SLC35F4: variants seen among roughly 807,000 people sequenced by gnomAD.
SLC35F4 encodes the protein solute carrier family 35 member F4.
In SLC35F4, 24 loss-of-function variants were observed where a neutral mutation model predicts 44.2. The observed-to-expected ratio is 0.54, with a 90% CI of 0.39 to 0.76. The LOEUF (loss-of-function observed/expected upper bound fraction) is 0.76, where lower values mean the gene tolerates loss of function less well. Among genes scored for constraint, SLC35F4 ranks in the 30% least tolerant of loss-of-function variants. The pLI is 0.00. For synonymous variants in SLC35F4, 238 were observed against 223.6 expected (o/e 1.06, Z -0.57); for missense variants, 562 against 586.1 (o/e 0.96, Z 0.42).
intron 1 of SLC35F4, among the ~76,000 whole-genome samples, chr14:57,646,686 C>T (rs2073537963): frequency 6.6e-6 from 1 of 152,098 alleles, no homozygotes; most frequent in African/African-American, 2.4e-5. Context: ...TTTGCTCTTG[C>T]TTCTCTAGTT....
intron 1 of SLC35F4, among the ~76,000 whole-genome samples, chr14:57,926,099 G>C (rs1041704174): frequency 6.6e-6 from 1 of 152,194 alleles, no homozygotes; most frequent in African/African-American, 2.4e-5. Context: ...CTGGCAGAAT[G>C]GTTGACAGTA....
intron 4 of SLC35F4, among the ~76,000 whole-genome samples, chr14:57,573,660 C>T (rs1881161503): frequency 1.3e-5 from 2 of 151,940 alleles, no homozygotes; most frequent in Admixed American, 1.3e-4. Context: ...TATCATTTTC[C>T]TTGATTTGGG....
At chr14:57,845,099 G>T (rs1261636752) in intron 1 of SLC35F4, among the ~76,000 whole-genome samples, 1 of 152,184 alleles carries the variant, frequency 6.6e-6, no homozygotes, top group Non-Finnish European at 1.5e-5. Context: ...TGCAAGTTAA[G>T]GGTACCCTAC....
intron 1 of SLC35F4, among the ~76,000 whole-genome samples, chr14:57,729,091 C>G (rs1009248304): frequency 3.3e-5 from 5 of 152,088 alleles, no homozygotes; most frequent in African/African-American, 9.7e-5. Context: ...CTTTCTTTAT[C>G]CTCAGCCTTT....
intron 1 of SLC35F4, among the ~76,000 whole-genome samples, chr14:57,665,399 T>C (rs1437226796): frequency 6.6e-6 from 1 of 152,166 alleles, no homozygotes; most frequent in African/African-American, 2.4e-5. Context: ...CATCTTCCTT[T>C]ACTACTCTTC....
intron 1 of SLC35F4, among the ~76,000 whole-genome samples, chr14:57,831,927 T>A (rs948410731): frequency 5.4e-4 from 82 of 152,206 alleles, no homozygotes; most frequent in Non-Finnish European, 6.3e-4. Flanking sequence ...TAAGTGTATA[T>A]CCGTGTCTTC....
intron 1 of SLC35F4, among the ~76,000 whole-genome samples, chr14:57,822,601 A>G (rs1346137971): frequency 6.6e-6 from 1 of 152,166 alleles, no homozygotes; most frequent in African/African-American, 2.4e-5. Context: ...TCCAAATAAA[A>G]ATGAGTAATT....
At chr14:57,584,828 CTTTTGTT>C in intron 3 of SLC35F4, among the ~76,000 whole-genome samples, 1 of 152,088 alleles carries the variant, frequency 6.6e-6, no homozygotes, top group African/African-American at 2.4e-5. Flanking sequence ...TTATATAAAA[CTTTTGTT>C]GTTTTAAATC....
chr14:57,895,853 G>A (rs17093857), intron 1 of SLC35F4, among the ~76,000 whole-genome samples: 18,386 of 151,948 alleles, frequency 0.12, 1,410 homozygotes, highest in East Asian at 0.4. Flanking sequence ...ATCCTAAGGC[G>A]GGTTTCATGT....
intron 1 of SLC35F4, among the ~76,000 whole-genome samples, chr14:57,675,557 A>G (rs900340267): frequency 2.6e-5 from 4 of 151,990 alleles, no homozygotes; most frequent in Admixed American, 6.6e-5. Flanking sequence ...TATGTTGACT[A>G]TAAGTGGTGA....
At chr14:57,890,657 A>G (rs536059835) in intron 1 of SLC35F4, among the ~76,000 whole-genome samples, 65 of 152,240 alleles carry the variant, frequency 4.3e-4, no homozygotes, top group African/African-American at 1.5e-3. Flanking sequence ...TGTTCTCACC[A>G]TTGTATGTCT....
At chr14:57,676,617 A>G (rs2140289629) in intron 1 of SLC35F4, among the ~76,000 whole-genome samples, 1 of 152,256 alleles carries the variant, frequency 6.6e-6, no homozygotes, top group East Asian at 1.9e-4. Flanking sequence ...ATGAATAGAC[A>G]ATTCTCAAAA....
intron 1 of SLC35F4, among the ~76,000 whole-genome samples, chr14:57,635,733 A>G (rs1594657700): frequency 2.6e-5 from 4 of 152,164 alleles, no homozygotes; most frequent in Admixed American, 6.5e-5. Context: ...TTGAAATGCC[A>G]TAAGAAATTA....
At chr14:57,638,341 T>G (rs575891512) in intron 1 of SLC35F4, among the ~76,000 whole-genome samples, 1 of 152,130 alleles carries the variant, frequency 6.6e-6, no homozygotes, top group African/African-American at 2.4e-5. Context: ...TTCTGGTGTA[T>G]AGGGCCTAAT....
At chr14:57,808,047 G>T (rs942781302) in intron 1 of SLC35F4, among the ~76,000 whole-genome samples, 5 of 151,734 alleles carry the variant, frequency 3.3e-5, no homozygotes, top group Non-Finnish European at 2.9e-5. Context: ...CTGCCCCCAT[G>T]ATTCAGTTAC....
At chr14:57,807,688 A>G (rs1881489383) in intron 1 of SLC35F4, among the ~76,000 whole-genome samples, 1 of 151,942 alleles carries the variant, frequency 6.6e-6, no homozygotes, top group South Asian at 2.1e-4. Context: ...TTTGCTTACC[A>G]ACATCACAAT....
intron 1 of SLC35F4, among the ~76,000 whole-genome samples, chr14:57,642,175 G>C (rs1448096233): frequency 6.6e-6 from 1 of 151,868 alleles, no homozygotes; most frequent in African/African-American, 2.4e-5. Context: ...GACATGGGGA[G>C]GTGATTTTTA....
downstream of SLC35F4, among the ~76,000 whole-genome samples, chr14:57,972,152 G>A (rs55769440): frequency 0.34 from 51,098 of 152,052 alleles, 8,789 homozygotes; most frequent in African/African-American, 0.42. Flanking sequence ...TGAAAGAGGG[G>A]GAAAGTAGCA....
chr14:57,613,333 T>C (rs1180109767), intron 1 of SLC35F4, among the ~76,000 whole-genome samples: 1 of 152,184 alleles, frequency 6.6e-6, no homozygotes, highest in African/African-American at 2.4e-5. Flanking sequence ...AAGTGAAATA[T>C]CTGAAATTTG....
Sources: allele counts gnomAD v4.1 joint callset (sites outside exome capture counted in the v4.1 genomes callset), GRCh38; gene constraint gnomAD v4.1.1; transcripts MANE v1.5; gene names NCBI Gene and HGNC (gene_info 2026-07-23, HGNC 2026-07-21).